Variants in WWOX observed in about 807,000 individuals in gnomAD.
WWOX encodes WW domain-containing oxidoreductase.
A neutral mutation model predicts 46.2 loss-of-function variants in WWOX; 69 were observed. The ratio of observed to expected loss-of-function variants is 1.49; its 90% CI spans 1.23 to 1.82. WWOX has a LOEUF of 1.82. Among genes scored for constraint, WWOX ranks in the 40% most tolerant of loss-of-function variants. The pLI is 0.00. For synonymous variants in WWOX, 359 were observed against 202.6 expected (o/e 1.77, Z -6.56); for missense variants, 919 against 542.6 (o/e 1.69, Z -6.89).
At chr16:78,286,914 A>G (rs1481853565) in intron 5 of WWOX, among the ~76,000 whole-genome samples, 1 of 152,218 alleles carries the variant, frequency 6.6e-6, no homozygotes, top group Non-Finnish European at 1.5e-5. Flanking sequence ...TGCAGATTTT[A>G]AAATCAATTT....
At chr16:79,017,448 A>G (rs1247034416) in intron 8 of WWOX, 14 of 145,058 alleles carry the variant, frequency 9.7e-5, no homozygotes, top group African/African-American at 3.5e-4. Context: ...AAAAAAAAAA[A>G]AAAAAAAAAA....
chr16:78,717,153 T>C (rs771106118), intron 8 of WWOX, among the ~76,000 whole-genome samples: 15 of 152,216 alleles, frequency 9.9e-5, no homozygotes, highest in Non-Finnish European at 1.6e-4. Flanking sequence ...TGTGTAAATC[T>C]AGTCTGTCTC....
At chr16:78,743,758 A>G (rs559370354) in intron 8 of WWOX, among the ~76,000 whole-genome samples, 1 of 152,252 alleles carries the variant, frequency 6.6e-6, no homozygotes, top group South Asian at 2.1e-4. Flanking sequence ...TTCACAACCT[A>G]TCAGACATTT....
chr16:78,351,356 C>T (rs370870828), intron 5 of WWOX, among the ~76,000 whole-genome samples: 12 of 152,184 alleles, frequency 7.9e-5, no homozygotes, highest in East Asian at 1.9e-4. Flanking sequence ...TACTGATTGT[C>T]CAGCAGTTGT....
chr16:78,901,832 C>T (rs543459344), intron 8 of WWOX, among the ~76,000 whole-genome samples: 16 of 152,330 alleles, frequency 1.1e-4, no homozygotes, highest in East Asian at 3.9e-4. Flanking sequence ...CCAAGTCTGT[C>T]GCTGCCCAGG....
rs554348636 is a variant in WWOX at position 78,334,215 on chromosome 16, G to A, written c.517-52645G>A. Among the ~76,000 whole-genome samples the A allele has an allele frequency of 2.6e-5, 4 of 152,246 alleles. No individual in the cohort carries two copies. In the East Asian group the frequency reaches 7.7e-4, roughly 29 times the overall value. ...AAATTAAGACAAATGATACCACATCGCTGCCACAAACTGCGGCTCGTACAA... is the reference window on the plus strand; with the variant it reads ...AAATTAAGACAAATGATACCACATCACTGCCACAAACTGCGGCTCGTACAA... On this transcript the variant is annotated intron_variant, in intron 5 of 8. Transcript: ENST00000566780.
intron 6 of WWOX, among the ~76,000 whole-genome samples, chr16:78,398,798 G>T (rs551583729): frequency 6.6e-6 from 1 of 152,332 alleles, no homozygotes; most frequent in East Asian, 1.9e-4. Context: ...ACTCTGGGTT[G>T]TTGAGAGGAT....
chr16:79,186,407 G>C (rs898261227), intron 8 of WWOX, among the ~76,000 whole-genome samples: 1 of 152,134 alleles, frequency 6.6e-6, no homozygotes, highest in Non-Finnish European at 1.5e-5. Context: ...GGTGTTTCCT[G>C]GCTTGCAGCT....
intron 8 of WWOX, among the ~76,000 whole-genome samples, chr16:78,752,012 G>GC (rs1370493302): frequency 8.2e-5 from 8 of 97,166 alleles, no homozygotes; most frequent in Non-Finnish European, 1.8e-4. Context: ...TTTAAATAAG[G>GC]AGGAGGATGA....
Position 78,933,018 on chromosome 16 carries a change from A to C in WWOX, c.1057-278590A>C, listed in dbSNP as rs138255790. On this transcript the variant is annotated intron_variant, in intron 8 of 8. Coordinates refer to ENST00000566780, the MANE Select transcript of WWOX (RefSeq NM_016373.4). ...TACCTTGGGAATTAGACTCACCCAG[A>C]CTCTGAGTTAAGAGTTTCTATGAGA... Among the ~76,000 whole-genome samples, 4 of 152,242 alleles carry C rather than the reference A, an allele frequency of 2.6e-5. No individual in the cohort carries two copies. In the East Asian group the frequency reaches 5.8e-4, roughly 22 times the overall value.
At chr16:78,287,911 C>T (rs765033959) in intron 5 of WWOX, among the ~76,000 whole-genome samples, 2 of 152,126 alleles carry the variant, frequency 1.3e-5, no homozygotes, top group Non-Finnish European at 1.5e-5. Context: ...CCTTTCTTTC[C>T]TGAGTTTGAG....
rs374103922 is a variant in WWOX, at chr16:78,348,324, T to A, written c.517-38536T>A. The stretch of plus-strand genomic sequence containing the variant: ...CAAGCTGCCTCTGTAATGTCACTTA[T>A]ATCCAGGAAAGAGTGGCAAAGAACC... On this transcript the variant is annotated intron_variant, in intron 5 of 8. Transcript: ENST00000566780. Among the ~76,000 whole-genome samples the A allele has an allele frequency of 7.4e-5, 9 of 121,386 alleles. 3 individuals carry two copies. Among genetic ancestry groups the A allele is most frequent in the Non-Finnish European group, 1.8e-4 (9 of 50,766 alleles). 79.6% of individuals were successfully genotyped at this position (121,386 alleles called of 152,430 possible).
chr16:78,397,092 T>G (rs1469903078), intron 6 of WWOX, among the ~76,000 whole-genome samples: 2 of 152,198 alleles, frequency 1.3e-5, no homozygotes, highest in Non-Finnish European at 2.9e-5. Context: ...GTGTGCATAG[T>G]TAATTTCAAT....
chr16:78,579,903 T>G (rs1245176186), intron 8 of WWOX, among the ~76,000 whole-genome samples: 2 of 152,162 alleles, frequency 1.3e-5, no homozygotes, highest in Non-Finnish European at 2.9e-5. Context: ...TCTCTGCATT[T>G]CACTCCGAGC....
chr16:79,132,932 C>T (rs924348284), intron 8 of WWOX, among the ~76,000 whole-genome samples: 2 of 152,182 alleles, frequency 1.3e-5, no homozygotes, highest in Non-Finnish European at 2.9e-5. Flanking sequence ...GGCTTCTTGG[C>T]TGATCTGAGT....
chr16:78,804,853 G>T (rs2293897), intron 8 of WWOX, among the ~76,000 whole-genome samples: 1 of 152,140 alleles, frequency 6.6e-6, no homozygotes, highest in African/African-American at 2.4e-5. Flanking sequence ...GTGATCCTTA[G>T]GATGTAGCCA....
chr16:79,067,641 G>T (rs2048467253), intron 8 of WWOX, among the ~76,000 whole-genome samples: 1 of 141,702 alleles, frequency 7.1e-6, no homozygotes, highest in African/African-American at 2.5e-5. Context: ...GGGGGGCGGG[G>T]GGGGGCACTT....
At chr16:78,943,750 T>C (rs1262455612) in intron 8 of WWOX, among the ~76,000 whole-genome samples, 3 of 152,150 alleles carry the variant, frequency 2.0e-5, no homozygotes, top group African/African-American at 7.2e-5. Flanking sequence ...ACCATTAAGC[T>C]TCCTGCAACT....
chr16:78,738,610 G>A (rs2049143071), intron 8 of WWOX, among the ~76,000 whole-genome samples: 1 of 152,156 alleles, frequency 6.6e-6, no homozygotes, highest in Non-Finnish European at 1.5e-5. Flanking sequence ...TCCCTGAACA[G>A]CCATTTATAT....
Sources: gnomAD v4.1 joint callset for allele counts (sites outside exome capture counted in the v4.1 genomes callset) on GRCh38, gnomAD v4.1.1 for gene constraint, MANE v1.5 for transcripts, NCBI Gene and HGNC (gene_info 2026-07-23, HGNC 2026-07-21) for gene names.